Variants in PCDH15 observed in about 807,000 individuals in gnomAD.
PCDH15 encodes protocadherin-15.
PCDH15 carries 129 observed loss-of-function variants against 178.5 expected under a neutral mutation model. The observed-to-expected ratio is 0.72, with a 90% confidence interval of 0.63 to 0.84. PCDH15 has a LOEUF of 0.84. Ranked by LOEUF, PCDH15 falls within the 40% of genes least tolerant of loss-of-function variation. The pLI, the probability that PCDH15 is intolerant of heterozygous loss-of-function variation, is 0.00. For synonymous variants in PCDH15, 800 were observed against 732.0 expected, an observed-to-expected ratio of 1.09 and a Z score of -1.50; for missense variants, 2,230 against 2,099.9, an observed-to-expected ratio of 1.06 and a Z score of -1.21.
intron 2 of PCDH15, among the ~76,000 whole-genome samples, chr10:55,111,652 T>G (rs150814691): frequency 0.027 from 4,119 of 152,254 alleles, 303 homozygotes; most frequent in East Asian, 0.23. Flanking sequence ...AAGACCAGCC[T>G]GACCAACATT....
chr10:54,375,428 C>T (rs1457958904), intron 4 of PCDH15, among the ~76,000 whole-genome samples: 1 of 152,054 alleles, frequency 6.6e-6, no homozygotes, highest in Non-Finnish European at 1.5e-5. Flanking sequence ...GTTTTCCTCT[C>T]TCCCTGGTAA....
Position 55,423,580 on chromosome 10 carries a change from C to T in PCDH15, c.-156+204045G>A, listed in dbSNP as rs116012375. Among the ~76,000 whole-genome samples the T allele has an allele frequency of 5.4e-3, 819 of 152,114 alleles. 10 individuals are homozygous for T. Among genetic ancestry groups the T allele is most frequent in the African/African-American group, 0.018 (752 of 41,528 alleles). On this transcript the variant is annotated intron_variant, in intron 2 of 5. Coordinates refer to the PCDH15 transcript ENST00000613346. ...CTATAAGGTAAAAGGGGGGAAACTC[C>T]TCTGTTTAGAGCAAGGAATACTAAC...
At chr10:54,086,817 T>G (rs999647433) in intron 16 of PCDH15, among the ~76,000 whole-genome samples, 4 of 152,154 alleles carry the variant, frequency 2.6e-5, no homozygotes, top group African/African-American at 9.7e-5. Context: ...TCTGTCCAGG[T>G]TGACCTAAGA....
chr10:54,665,208 A>C (rs1346616695), intron 1 of PCDH15, among the ~76,000 whole-genome samples: 1 of 151,888 alleles, frequency 6.6e-6, no homozygotes, highest in African/African-American at 2.4e-5. Context: ...TAAACTGTGC[A>C]ATGCAAGGTT....
At chr10:54,467,846 C>T (rs748794766) in intron 3 of PCDH15, among the ~76,000 whole-genome samples, 1 of 151,752 alleles carries the variant, frequency 6.6e-6, no homozygotes, top group African/African-American at 2.4e-5. Context: ...AATCTTATTA[C>T]TCATTGTTGA....
intron 2 of PCDH15, among the ~76,000 whole-genome samples, chr10:55,566,653 C>A (rs1842308352): frequency 6.6e-6 from 1 of 151,042 alleles, no homozygotes. Context: ...AAGAATAATC[C>A]AAAAACAAAA....
rs1837381468 is a variant in PCDH15, at chr10:55,107,479, C to A, written c.-80+59097G>T. Among the ~76,000 whole-genome samples, 24 of 139,274 alleles carry A rather than the reference C, an allele frequency of 1.7e-4. No individual in the cohort carries two copies. In the South Asian group the frequency reaches 5.6e-3, roughly 32 times the overall value. The allele number at this position is 139,274 out of a possible 152,430, so 91.4% of individuals were successfully genotyped here. A position where few individuals can be genotyped will look rare whatever the true frequency, so the allele number is the denominator to read the frequency against. ...AGATAAAATACAATTACTGTATTCT[C>A]TTTCCTTTTTTTTTTTTTTTTTTTT... On this transcript the variant is annotated intron_variant, in intron 2 of 5. Coordinates refer to the PCDH15 transcript ENST00000458638.
At chr10:54,417,216 A>G (rs9415316) in intron 3 of PCDH15, among the ~76,000 whole-genome samples, 31,278 of 152,016 alleles carry the variant, frequency 0.21, 4,004 homozygotes, top group African/African-American at 0.36. Context: ...GTTATTCGCC[A>G]ATGCTGCTAT....
chr10:54,623,261 T>C (rs1336596482), intron 2 of PCDH15, among the ~76,000 whole-genome samples: 1 of 152,098 alleles, frequency 6.6e-6, no homozygotes, highest in Non-Finnish European at 1.5e-5. Flanking sequence ...TCTTCTCTGA[T>C]CCTTTGGCGG....
chr10:55,496,796 G>A (rs1183002404), intron 2 of PCDH15, among the ~76,000 whole-genome samples: 3 of 151,728 alleles, frequency 2.0e-5, no homozygotes, highest in Non-Finnish European at 4.4e-5. Flanking sequence ...TGTGAAAGAC[G>A]AATAATCTTA....
At chr10:53,907,730 G>C (rs565830310) in intron 25 of PCDH15, among the ~76,000 whole-genome samples, 1 of 152,208 alleles carries the variant, frequency 6.6e-6, no homozygotes, top group South Asian at 2.1e-4. Flanking sequence ...TAAAGAAAGA[G>C]AAAATAATAC....
At chr10:55,105,214 G>A (rs113190458) in intron 2 of PCDH15, among the ~76,000 whole-genome samples, 40 of 152,084 alleles carry the variant, frequency 2.6e-4, no homozygotes, top group African/African-American at 8.4e-4. Context: ...TAGTATCTAC[G>A]TACATTTTAT....
At position 55,334,242 on chromosome 10, in the gene PCDH15, A is replaced by ATATATATATG. The variant is rs1291195941; in HGVS notation, c.-155-167592_-155-167591insCATATATATA. ...GCTCCATATATATATATATATATAT[A>ATATATATATG]TGTGTGTGTGTGTGTGTGTGTGTGT... On this transcript the variant is annotated intron_variant, in intron 2 of 5. Coordinates refer to the PCDH15 transcript ENST00000613346. Among the ~76,000 whole-genome samples, 174 of 72,136 alleles carry ATATATATATG rather than the reference A, an allele frequency of 2.4e-3. 1 individual carries two copies. Among genetic ancestry groups the ATATATATATG allele is most frequent in the Admixed American group, 2.5e-3 (16 of 6,362 alleles). The allele number at this position is 72,136 out of a possible 152,430, so 47.3% of individuals were successfully genotyped here.
In PCDH15 at chr10:54,649,057, G is replaced by A. The variant is rs143527189; in HGVS notation, c.91+15115C>T. ...AGCATTTAGCGGGGCAGCCCTTAGGGGCAGTATAGGATCTTACAAGAGTAG... is the reference window on the plus strand; with the variant it reads ...AGCATTTAGCGGGGCAGCCCTTAGGAGCAGTATAGGATCTTACAAGAGTAG... On this transcript the variant is annotated intron_variant, in intron 2 of 37. Transcript: ENST00000644397. 8.5e-3 allele frequency among the ~76,000 whole-genome samples: 1,291 copies of A among 152,260 alleles called. 26 individuals are homozygous for A. The highest frequency in any genetic ancestry group is 0.03 in the African/African-American group (1,238 of 41,570).
intron 13 of PCDH15, among the ~76,000 whole-genome samples, chr10:54,167,540 C>A (rs1363502385): frequency 2.0e-5 from 3 of 152,036 alleles, no homozygotes; most frequent in African/African-American, 7.2e-5. Flanking sequence ...CACAGGGACG[C>A]CTGCCTTGGT....
intron 2 of PCDH15, among the ~76,000 whole-genome samples, chr10:54,911,566 T>G (rs1041114566): frequency 6.6e-6 from 1 of 152,206 alleles, no homozygotes; most frequent in Non-Finnish European, 1.5e-5. Context: ...TTTTGCCAAA[T>G]GTTTTCAGAT....
At chr10:55,202,148 T>C (rs1369216417) in intron 1 of PCDH15, among the ~76,000 whole-genome samples, 5 of 152,256 alleles carry the variant, frequency 3.3e-5, no homozygotes, top group African/African-American at 1.2e-4. Context: ...GCTACCAATG[T>C]ATGGAGCTTC....
chr10:54,425,317 G>C (rs559866590), intron 3 of PCDH15, among the ~76,000 whole-genome samples: 1 of 152,216 alleles, frequency 6.6e-6, no homozygotes, highest in Non-Finnish European at 1.5e-5. Flanking sequence ...GGATATATAA[G>C]AAGGGGAAGA....
At chr10:54,313,573 T>C (rs1591746163) in intron 8 of PCDH15, among the ~76,000 whole-genome samples, 2 of 152,138 alleles carry the variant, frequency 1.3e-5, no homozygotes, top group East Asian at 1.9e-4. Context: ...AATTTTTGCA[T>C]GTAGAGCTAG....
Sources: gnomAD v4.1 joint callset for allele counts (sites outside exome capture counted in the v4.1 genomes callset) on GRCh38, gnomAD v4.1.1 for gene constraint, MANE v1.5 for transcripts, NCBI Gene and HGNC (gene_info 2026-07-23, HGNC 2026-07-21) for gene names.